The following SMYD3 variants were observed in gnomAD, a reference collection of about 807,000 sequenced individuals.
SMYD3 encodes the protein SET and MYND domain containing 3, also known as histone-lysine N-methyltransferase SMYD3.
Under a neutral mutation model 57.7 loss-of-function variants are expected in SMYD3, and 36 were observed. The ratio of observed to expected loss-of-function variants is 0.62; its 90% CI spans 0.48 to 0.82. The LOEUF is 0.82. Ranked by LOEUF, SMYD3 falls within the 40% of genes least tolerant of loss-of-function variation. SMYD3 has a pLI of 0.00. For synonymous variants in SMYD3, 211 were observed against 195.0 expected (o/e 1.08, Z -0.68); for missense variants, 515 against 538.8 (o/e 0.96, Z 0.44).
intron 5 of SMYD3, among the ~76,000 whole-genome samples, chr1:246,275,197 C>A (rs1469528297): frequency 6.6e-6 from 1 of 152,224 alleles, no homozygotes; most frequent in Non-Finnish European, 1.5e-5. Context: ...CCTTCACAGG[C>A]CAAACCATCT....
chr1:246,000,454 G>T (rs1260078388), intron 5 of SMYD3, among the ~76,000 whole-genome samples: 1 of 152,158 alleles, frequency 6.6e-6, no homozygotes, highest in Non-Finnish European at 1.5e-5. Context: ...GGGGTAGAAA[G>T]GGCTGTGGTC....
At chr1:246,414,908 C>T (rs796381909) in intron 1 of SMYD3, among the ~76,000 whole-genome samples, 17 of 151,890 alleles carry the variant, frequency 1.1e-4, no homozygotes, top group African/African-American at 3.1e-4. Flanking sequence ...GTAGAGACGA[C>T]GTTTCACCAT....
intron 5 of SMYD3, among the ~76,000 whole-genome samples, chr1:246,212,163 G>A (rs1323530576): frequency 6.6e-6 from 1 of 152,000 alleles, no homozygotes; most frequent in South Asian, 2.1e-4. Context: ...CTTTTTCAAA[G>A]ATAGTTAGCA....
chr1:246,079,668 G>A (rs775544393), intron 5 of SMYD3, among the ~76,000 whole-genome samples: 1 of 152,176 alleles, frequency 6.6e-6, no homozygotes, highest in Non-Finnish European at 1.5e-5. Flanking sequence ...CAAGAGCTTA[G>A]AGGAAATCAA....
intron 5 of SMYD3, among the ~76,000 whole-genome samples, chr1:246,172,708 T>C (rs2062362868): frequency 7.1e-6 from 1 of 139,888 alleles, no homozygotes; most frequent in African/African-American, 2.7e-5. Flanking sequence ...ACACTCACTG[T>C]TCTCTACTGC....
chr1:245,979,688 T>C (rs1316389117), intron 5 of SMYD3, among the ~76,000 whole-genome samples: 2 of 152,160 alleles, frequency 1.3e-5, no homozygotes, highest in Non-Finnish European at 2.9e-5. Context: ...AAAATTTTGT[T>C]GTTTTAAGCT....
At chr1:246,253,367 G>T (rs758291822) in intron 5 of SMYD3, among the ~76,000 whole-genome samples, 1 of 152,144 alleles carries the variant, frequency 6.6e-6, no homozygotes, top group African/African-American at 2.4e-5. Context: ...GAGAACATGC[G>T]GTATTGGTTT....
intron 1 of SMYD3, among the ~76,000 whole-genome samples, chr1:246,472,165 A>T (rs1309950130): frequency 3.9e-5 from 6 of 152,096 alleles, no homozygotes; most frequent in Non-Finnish European, 8.8e-5. Flanking sequence ...AAACACACAC[A>T]CCACACTCCT....
At chr1:245,833,073 A>AAAAAAAACAAAAAAAAC in intron 10 of SMYD3, among the ~76,000 whole-genome samples, 1 of 128,652 alleles carries the variant, frequency 7.8e-6, no homozygotes, top group African/African-American at 3.0e-5. Flanking sequence ...AAAAAAAAAA[A>AAAAAAAACAAAAAAAAC]AACCTGCTTT....
intron 11 of SMYD3, among the ~76,000 whole-genome samples, chr1:245,750,721 G>A (rs1481908835): frequency 6.6e-6 from 1 of 151,966 alleles, no homozygotes; most frequent in East Asian, 1.9e-4. Flanking sequence ...GCCCAAATGG[G>A]GGGGTGGGGT....
chr1:245,990,627 C>T (rs979460197), intron 5 of SMYD3, among the ~76,000 whole-genome samples: 11 of 152,154 alleles, frequency 7.2e-5, no homozygotes, highest in Non-Finnish European at 1.3e-4. Flanking sequence ...TCCTCATTGA[C>T]AGGAATCATC....
chr1:245,956,049 C>A, intron 5 of SMYD3: 1 of 984,732 alleles, frequency 1.0e-6, no homozygotes, highest in Non-Finnish European at 1.2e-6. Context: ...ACCCTATGTT[C>A]ATTACTAGGT....
intron 1 of SMYD3, among the ~76,000 whole-genome samples, chr1:246,467,100 G>C (rs1432893124): frequency 6.6e-6 from 1 of 151,864 alleles, no homozygotes; most frequent in Non-Finnish European, 1.5e-5. Flanking sequence ...AGCCCAGGAG[G>C]TGGAGGTTGG....
intron 1 of SMYD3, among the ~76,000 whole-genome samples, 152 bp downstream of exon 1, chr1:246,506,902 C>T (rs2068549470): frequency 6.6e-6 from 1 of 152,080 alleles, no homozygotes; most frequent in Non-Finnish European, 1.5e-5. Context: ...CGACCCGCCC[C>T]CGGGCACACG....
At chr1:245,846,290 G>C (rs1039375462) in intron 10 of SMYD3, among the ~76,000 whole-genome samples, 5 of 152,188 alleles carry the variant, frequency 3.3e-5, no homozygotes, top group African/African-American at 1.2e-4. Flanking sequence ...GTAGATCTGT[G>C]GCTGGCTGTG....
At chr1:245,798,619 G>A (rs2047704405) in intron 10 of SMYD3, among the ~76,000 whole-genome samples, 1 of 151,938 alleles carries the variant, frequency 6.6e-6, no homozygotes, top group African/African-American at 2.4e-5. Flanking sequence ...GTGATGCCCA[G>A]ATGTGTTTTC....
intron 10 of SMYD3, among the ~76,000 whole-genome samples, chr1:245,773,324 C>G (rs1272306849): frequency 6.6e-6 from 1 of 152,150 alleles, no homozygotes; most frequent in East Asian, 1.9e-4. Context: ...ACTAAGCATC[C>G]AATAATGAAC....
chr1:245,899,631 T>C lies in SMYD3; in HGVS notation c.813+15899A>G, dbSNP rs140106372. On this transcript the variant is annotated intron_variant, in intron 8 of 11. Coordinates refer to ENST00000490107, the MANE Select transcript of SMYD3 (RefSeq NM_001167740.2). ...TAGACCCATCTCAATATTTTAATGG[T>C]CAATGTTATATGTTAACTTGAGTGG... 3.1e-3 allele frequency among the ~76,000 whole-genome samples: 471 copies of C among 152,334 alleles called. 1 individual carries two copies. The highest frequency in any genetic ancestry group is 0.011 in the African/African-American group (457 of 41,572).
intron 5 of SMYD3, among the ~76,000 whole-genome samples, chr1:246,227,955 C>T (rs79217146): frequency 7.7e-6 from 1 of 130,464 alleles, no homozygotes; most frequent in Admixed American, 8.1e-5. Context: ...TATTTTTATT[C>T]CTTTTTTTTT....
Sources: allele counts gnomAD v4.1 joint callset (sites outside exome capture counted in the v4.1 genomes callset), GRCh38; gene constraint gnomAD v4.1.1; transcripts MANE v1.5; gene names NCBI Gene and HGNC (gene_info 2026-07-23, HGNC 2026-07-21).